The following MED12L variants were observed in gnomAD, a reference collection of about 807,000 sequenced individuals.
MED12L encodes mediator complex subunit 12L.
MED12L carries 60 observed loss-of-function variants against 281.3 expected under a neutral mutation model. That is an observed-to-expected ratio of 0.21 (90% CI 0.17 to 0.26). The LOEUF (loss-of-function observed/expected upper bound fraction) is 0.26, where lower values mean the gene tolerates loss of function less well. Among genes scored for constraint, MED12L ranks in the 10% least tolerant of loss-of-function variants. The pLI, the probability that MED12L is intolerant of heterozygous loss-of-function variation, is 1.00. For synonymous variants in MED12L, 974 were observed against 987.2 expected, an observed-to-expected ratio of 0.99 and a Z score of 0.25; for missense variants, 2,146 against 2,680.9, an observed-to-expected ratio of 0.80 and a Z score of 4.41.
At chr3:151,295,201 C>T in intron 16 of MED12L, 1 of 1,604,616 alleles carries the variant, frequency 6.2e-7, no homozygotes, top group Non-Finnish European at 8.5e-7. Flanking sequence ...CTTGGCCGTG[C>T]AGCTCGTTAT....
At chr3:151,300,030 A>T (rs1745684726) in intron 16 of MED12L, 1 of 1,431,868 alleles carries the variant, frequency 7.0e-7, no homozygotes, top group African/African-American at 1.4e-5. Context: ...GTCATCAATA[A>T]AGTAAGATTT....
At chr3:151,300,012 A>C in intron 16 of MED12L, 4 of 1,181,318 alleles carry the variant, frequency 3.4e-6, no homozygotes, top group Non-Finnish European at 5.1e-6. Context: ...CAAACAGTGG[A>C]AATAATAGTC....
At chr3:151,350,009 A>C in intron 16 of MED12L, 50 bp from the exon 17 acceptor site, 3 of 1,577,464 alleles carry the variant, frequency 1.9e-6, no homozygotes, top group Non-Finnish European at 1.7e-6. Flanking sequence ...TATGAAATGC[A>C]ACCCCACCCC....
intron 2 of MED12L, among the ~76,000 whole-genome samples, chr3:151,089,946 T>A (rs1360941817): frequency 6.6e-6 from 1 of 152,182 alleles, no homozygotes; most frequent in Non-Finnish European, 1.5e-5. Flanking sequence ...TTCCAAAATA[T>A]ATTTCCAATC....
rs769271184 is a variant in MED12L at position 151,411,496 on chromosome 3, T to G, written c.6129T>G (p.Thr2043=). 4.3e-6 allele frequency: 7 copies of G among 1,614,054 alleles called. No homozygotes were observed. The South Asian group carries it at 6.6e-5, about 15-fold the overall frequency. The change falls in exon 41 of 45, where the codon ACT becomes ACG. Residue 2043 remains threonine, a synonymous_variant. Coordinates refer to ENST00000687756, the MANE Select transcript of MED12L (RefSeq NM_001393769.1). ...QQASPYLQPL[T]GSQRLNHQAL... is the part of the protein sequence containing the mutation. The stretch of plus-strand genomic sequence containing the variant: ...CCTCGCCGTACCTGCAGCCCCTGAC[T>G]GGCTCTCAGAGGTGATACATGTGGA...
intron 11 of MED12L, among the ~76,000 whole-genome samples, chr3:151,174,948 C>G (rs780311255): frequency 9.2e-5 from 14 of 152,112 alleles, no homozygotes; most frequent in Non-Finnish European, 1.9e-4. Flanking sequence ...TCCTGAGTTG[C>G]TGGGATTACA....
chr3:151,415,474 C>A (rs1209258091), intron 42 of MED12L, among the ~76,000 whole-genome samples: 2 of 152,240 alleles, frequency 1.3e-5, no homozygotes, highest in Non-Finnish European at 2.9e-5. Context: ...ATTCCAGATC[C>A]ATGAGCATTG....
intron 16 of MED12L, among the ~76,000 whole-genome samples, chr3:151,322,673 G>C (rs1749128932): frequency 6.6e-6 from 1 of 151,980 alleles, no homozygotes; most frequent in South Asian, 2.1e-4. Context: ...AATTCTGTTG[G>C]CTATCTCTTC....
intron 31 of MED12L, 130 bp downstream of exon 31, chr3:151,378,303 A>G: frequency 1.1e-6 from 1 of 939,796 alleles, no homozygotes; most frequent in Non-Finnish European, 1.5e-6. Context: ...AACTGGGAAT[A>G]TTCTATTAGG....
At chr3:151,177,402 T>G (rs1029899898) in intron 11 of MED12L, among the ~76,000 whole-genome samples, 4 of 152,254 alleles carry the variant, frequency 2.6e-5, no homozygotes, top group Non-Finnish European at 5.9e-5. Context: ...CATGACCATC[T>G]TAACTTCTTT....
intron 16 of MED12L, among the ~76,000 whole-genome samples, chr3:151,281,051 T>C (rs1185309826): frequency 1.3e-5 from 2 of 150,506 alleles, no homozygotes; most frequent in East Asian, 1.9e-4. Context: ...TGAAAAAATA[T>C]TTTAGCCTGA....
Position 151,159,721 on chromosome 3 carries a change from A to G in MED12L, c.838-111A>G. On this transcript the variant is annotated intron_variant, in intron 7 of 44. Coordinates refer to ENST00000687756, the MANE Select transcript of MED12L (RefSeq NM_001393769.1). ...TTCTATTGGACAGCACTTGCTTTAT[A>G]CCTTTGAAGTTTTTTTATCTTTTTT... The G allele has an allele frequency of 3.8e-6, 4 of 1,053,240 alleles. No individual in the cohort carries two copies. The East Asian group carries it at 7.2e-5, about 19-fold the overall frequency. 65.2% of individuals were successfully genotyped at this position (1,053,240 alleles called of 1,614,324 possible).
chr3:151,328,657 C>T (rs755664869), intron 16 of MED12L: 2 of 1,613,888 alleles, frequency 1.2e-6, no homozygotes, highest in Non-Finnish European at 8.5e-7. Context: ...TGAGCCCTAA[C>T]AGCACGATGC....
chr3:151,190,867 C>A lies in MED12L; in HGVS notation c.1904C>A (p.Pro635Gln). The change falls in exon 14 of 45, where the codon CCG becomes CAG. Residue 635 changes from proline to glutamine, a missense_variant. Coordinates refer to ENST00000687756, the MANE Select transcript of MED12L (RefSeq NM_001393769.1). ...GDLSVTASTRPRSPVGENADE... is the reference protein window; with the variant it reads ...GDLSVTASTRQRSPVGENADE... ...TTGTCAGTCACTGCCTCAACTCGGC[C>A]GCGGTCACCAGTAGGGGAAAATGCA... 1.2e-6 allele frequency: 2 copies of A among 1,614,112 alleles called. No individual in the cohort carries two copies. Among genetic ancestry groups the A allele is most frequent in the Non-Finnish European group, 1.7e-6 (2 of 1,180,026 alleles).
At chr3:151,208,592 G>GA (rs1209251675) in intron 16 of MED12L, among the ~76,000 whole-genome samples, 1 of 152,190 alleles carries the variant, frequency 6.6e-6, no homozygotes, top group Non-Finnish European at 1.5e-5. Flanking sequence ...TGAGGCAGGA[G>GA]AATCGAACCC....
chr3:151,409,537 T>C (rs1716723925), intron 40 of MED12L, among the ~76,000 whole-genome samples: 1 of 152,248 alleles, frequency 6.6e-6, no homozygotes, highest in Non-Finnish European at 1.5e-5. Flanking sequence ...TAAAACATTC[T>C]AGAAAACCCT....
chr3:151,385,859 A>C (rs1323055317), intron 36 of MED12L, among the ~76,000 whole-genome samples: 1 of 152,236 alleles, frequency 6.6e-6, no homozygotes, highest in African/African-American at 2.4e-5. Context: ...GTTCTCTAAA[A>C]TATGAGAAAA....
chr3:151,264,031 C>A (rs1402295196), intron 16 of MED12L, among the ~76,000 whole-genome samples: 1 of 152,172 alleles, frequency 6.6e-6, no homozygotes, highest in Non-Finnish European at 1.5e-5. Context: ...GGTGACTTTT[C>A]CATTTCAGTT....
At chr3:151,294,058 A>T in intron 16 of MED12L, 1 of 728,156 alleles carries the variant, frequency 1.4e-6, no homozygotes, top group Non-Finnish European at 2.4e-6. Flanking sequence ...ACCCCATTTC[A>T]TATCATTTTA....
Sources: gnomAD v4.1 joint callset for allele counts (sites outside exome capture counted in the v4.1 genomes callset) on GRCh38, gnomAD v4.1.1 for gene constraint, MANE v1.5 for transcripts, NCBI Gene and HGNC (gene_info 2026-07-23, HGNC 2026-07-21) for gene names.